The following TBC1D5 variants were observed in gnomAD, a reference collection of about 807,000 sequenced individuals.
TBC1D5 encodes the protein TBC1 domain family, member 5.
TBC1D5 carries 75 observed loss-of-function variants against 100.3 expected under a neutral mutation model. That is an observed-to-expected ratio of 0.75 (90% CI 0.62 to 0.91). The LOEUF (loss-of-function observed/expected upper bound fraction) is 0.91, where lower values mean the gene tolerates loss of function less well. Ranked by LOEUF, TBC1D5 falls within the 40% of genes least tolerant of loss-of-function variation. TBC1D5 has a pLI of 0.00. For missense variants in TBC1D5, 910 were observed against 942.4 expected, an observed-to-expected ratio of 0.97 and a Z score of 0.45; for synonymous variants, 323 against 325.6, an observed-to-expected ratio of 0.99 and a Z score of 0.09.
At chr3:17,536,179 A>C (rs560712330) in intron 2 of TBC1D5, among the ~76,000 whole-genome samples, 1 of 152,270 alleles carries the variant, frequency 6.6e-6, no homozygotes, top group South Asian at 2.1e-4. Context: ...ATACTAGTCA[A>C]AGTTTTGTGG....
At chr3:17,696,287 T>G (rs1187764852) in intron 1 of TBC1D5, among the ~76,000 whole-genome samples, 2 of 151,832 alleles carry the variant, frequency 1.3e-5, no homozygotes, top group African/African-American at 4.8e-5. Flanking sequence ...AAAAATCCCT[T>G]CAAAAAAATC....
At chr3:17,656,925 C>T (rs899327534) in intron 1 of TBC1D5, among the ~76,000 whole-genome samples, 1 of 152,120 alleles carries the variant, frequency 6.6e-6, no homozygotes, top group Admixed American at 6.5e-5. Context: ...CAAGGAGCGA[C>T]AGGATGGCTG....
chr3:17,494,440 G>A lies in TBC1D5; in HGVS notation c.97+14034C>T, dbSNP rs184537706. 1.4e-3 allele frequency among the ~76,000 whole-genome samples: 209 copies of A among 152,330 alleles called. 1 individual carries two copies. The highest frequency in any genetic ancestry group is 4.7e-3 in the African/African-American group (194 of 41,574). ...GCAACAGTCTGGCTGCCCCTTGGTG[G>A]AGTGGGTGCACTGTGCTGGGGGGAA... On this transcript the variant is annotated intron_variant, in intron 3 of 21. Transcript: ENST00000253692.
chr3:17,251,441 T>C (rs62245860), intron 16 of TBC1D5, among the ~76,000 whole-genome samples: 59,492 of 113,950 alleles, frequency 0.52, 13,555 homozygotes, highest in Middle Eastern at 0.66. Context: ...CCCCCCCCAG[T>C]AGAAGCGATT....
At chr3:17,342,266 C>CT (rs2089098559) in intron 13 of TBC1D5, among the ~76,000 whole-genome samples, 1 of 152,206 alleles carries the variant, frequency 6.6e-6, no homozygotes, top group Non-Finnish European at 1.5e-5. Context: ...GCTCTGCCTT[C>CT]TTACATACAT....
At chr3:17,182,571 C>G (rs571901548) in intron 19 of TBC1D5, among the ~76,000 whole-genome samples, 119 of 152,274 alleles carry the variant, frequency 7.8e-4, no homozygotes, top group African/African-American at 2.6e-3. Flanking sequence ...CTGTGGAGTT[C>G]CAGTAAATCT....
intron 1 of TBC1D5, among the ~76,000 whole-genome samples, chr3:17,673,504 G>C (rs2068230832): frequency 2.5e-5 from 1 of 40,792 alleles, no homozygotes; most frequent in Admixed American, 3.8e-4. Context: ...TTTGCAGAGT[G>C]AGGGTTTCGC....
intron 4 of TBC1D5, among the ~76,000 whole-genome samples, chr3:17,424,308 T>C (rs1005373383): frequency 6.6e-6 from 1 of 152,176 alleles, no homozygotes; most frequent in Non-Finnish European, 1.5e-5. Flanking sequence ...GCTTGCCTCT[T>C]TTGGCGAGGA....
At chr3:17,210,390 G>A (rs951633097) in intron 18 of TBC1D5, among the ~76,000 whole-genome samples, 3 of 151,950 alleles carry the variant, frequency 2.0e-5, no homozygotes, top group African/African-American at 7.3e-5. Flanking sequence ...GTTTCACCAT[G>A]TTGGTCAGGC....
intron 1 of TBC1D5, among the ~76,000 whole-genome samples, chr3:17,626,645 G>C (rs977635941): frequency 1.3e-5 from 2 of 152,130 alleles, no homozygotes; most frequent in Non-Finnish European, 2.9e-5. Flanking sequence ...ACTTCACAGA[G>C]GGGGCAAGAC....
Position 17,161,989 on chromosome 3 carries a change from C to A in TBC1D5, c.2095-733G>T, listed in dbSNP as rs576073571. Among the ~76,000 whole-genome samples, 643 of 152,240 alleles carry A rather than the reference C, an allele frequency of 4.2e-3. 3 individuals carry two copies. The highest frequency in any genetic ancestry group is 7.4e-3 in the Non-Finnish European group (505 of 68,022). On this transcript the variant is annotated intron_variant, in intron 21 of 21. Coordinates refer to ENST00000253692, the Ensembl canonical transcript of TBC1D5. The stretch of plus-strand genomic sequence containing the variant: ...AATTGGTTTACTCAAAAATTATTTT[C>A]TTTCTAAGCAATTATGAGTGGCTTT...
intron 2 of TBC1D5, among the ~76,000 whole-genome samples, chr3:17,562,476 T>A (rs991264635): frequency 4.6e-5 from 7 of 151,478 alleles, no homozygotes; most frequent in East Asian, 3.9e-4. Flanking sequence ...AATTAAAAAA[T>A]TTTTAAATCA....
intron 1 of TBC1D5, among the ~76,000 whole-genome samples, chr3:17,724,813 C>T (rs2075991938): frequency 6.6e-6 from 1 of 152,042 alleles, no homozygotes; most frequent in Non-Finnish European, 1.5e-5. Flanking sequence ...ATATCTTACC[C>T]TCTTTCTTTT....
At chr3:17,564,323 A>G (rs1188351497) in intron 2 of TBC1D5, among the ~76,000 whole-genome samples, 1 of 152,198 alleles carries the variant, frequency 6.6e-6, no homozygotes, top group African/African-American at 2.4e-5. Flanking sequence ...GCCATACCCT[A>G]TAAAGTGAAA....
intron 3 of TBC1D5, among the ~76,000 whole-genome samples, chr3:17,473,517 C>A (rs114761314): frequency 1.3e-5 from 2 of 152,118 alleles, no homozygotes; most frequent in South Asian, 2.1e-4. Flanking sequence ...AATATAAACA[C>A]GTAAAGTATA....
chr3:17,356,582 T>C (rs2091230589), intron 13 of TBC1D5, among the ~76,000 whole-genome samples: 1 of 152,192 alleles, frequency 6.6e-6, no homozygotes, highest in South Asian at 2.1e-4. Flanking sequence ...TGAATTCGGA[T>C]AAAAAGCATA....
chr3:17,350,742 T>TA (rs2090473586), intron 13 of TBC1D5, among the ~76,000 whole-genome samples: 1 of 152,150 alleles, frequency 6.6e-6, no homozygotes, highest in Admixed American at 6.6e-5. Flanking sequence ...GAAATTTTTT[T>TA]AACTATATTT....
chr3:17,658,882 T>G (rs2066370693), intron 1 of TBC1D5, among the ~76,000 whole-genome samples: 1 of 152,214 alleles, frequency 6.6e-6, no homozygotes, highest in Admixed American at 6.5e-5. Context: ...CAGGCTGGTC[T>G]CCTGATCTCA....
intron 3 of TBC1D5, among the ~76,000 whole-genome samples, chr3:17,501,644 T>C (rs746836548): frequency 6.7e-5 from 10 of 149,202 alleles, no homozygotes; most frequent in African/African-American, 2.0e-4. Context: ...CCTTCCATGA[T>C]AGCAAATATC....
Sources: allele counts gnomAD v4.1 joint callset (sites outside exome capture counted in the v4.1 genomes callset), GRCh38; gene constraint gnomAD v4.1.1; transcripts MANE v1.5; gene names NCBI Gene and HGNC (gene_info 2026-07-23, HGNC 2026-07-21).